The following TRPM6 variants were observed in gnomAD, a reference collection of about 807,000 sequenced individuals.
The protein encoded by TRPM6 is transient receptor potential cation channel subfamily M member 6, also known as channel kinase 2.
Under a neutral mutation model 247.6 loss-of-function variants are expected in TRPM6, and 111 were observed. The ratio of observed to expected loss-of-function variants is 0.45; its 90% CI spans 0.38 to 0.52. The LOEUF (loss-of-function observed/expected upper bound fraction) is 0.52, where lower values mean the gene tolerates loss of function less well. TRPM6 is among the 20% of genes least tolerant of loss of function. The probability of loss-of-function intolerance (pLI) is 0.00; values close to 1 mark genes in which losing one functional copy is unlikely to be tolerated. For missense variants in TRPM6, 2,126 were observed against 2,421.5 expected, an observed-to-expected ratio of 0.88 and a Z score of 2.56; for synonymous variants, 892 against 853.8, an observed-to-expected ratio of 1.04 and a Z score of -0.78.
chr9:74,827,827 CTTCAT>C lies in TRPM6; in HGVS notation c.787_791del (p.Met263AlafsTer53). 6.2e-7 allele frequency: 1 copy of C among 1,614,090 alleles called. No homozygotes were observed. The highest frequency in any genetic ancestry group is 8.5e-7 in the Non-Finnish European group (1 of 1,180,028). The stretch of plus-strand genomic sequence containing the variant: ...GGTACTTCTCCAGGTTCCTTCTGAG[CTTCAT>C]TTCATTTCCATACTTGCCCACGGTC... On this transcript the variant is annotated frameshift_variant, in exon 7 of 39. Transcript: ENST00000360774. LOFTEE classifies it high-confidence loss of function.
chr9:74,785,816 C>G, intron 21 of TRPM6, 58 bp downstream of exon 21: 1 of 1,603,970 alleles, frequency 6.2e-7, no homozygotes. Context: ...AGCCACCACA[C>G]CTGGCTAAAA....
intron 36 of TRPM6, among the ~76,000 whole-genome samples, chr9:74,735,088 C>T (rs1020757812): frequency 5.3e-5 from 8 of 151,822 alleles, no homozygotes; most frequent in Non-Finnish European, 7.4e-5. Flanking sequence ...GGTGTGGTGG[C>T]GTGTGCCTGT....
intron 25 of TRPM6, among the ~76,000 whole-genome samples, chr9:74,769,793 A>AAGGAAGGGAGGGAAGGAGGG (rs71368678): frequency 1.6e-5 from 2 of 125,868 alleles, no homozygotes; most frequent in African/African-American, 7.7e-5. Flanking sequence ...GGACGGAAGG[A>AAGGAAGGGAGGGAAGGAGGG]AGGGAGGGAG....
chr9:74,820,179 G>A (rs1293451497), intron 9 of TRPM6, 125 bp downstream of exon 9: 15 of 1,063,078 alleles, frequency 1.4e-5, no homozygotes, highest in Non-Finnish European at 2.1e-5. Context: ...CACCCTGACA[G>A]GCCCCTGTAT....
intron 32 of TRPM6, 24 bp downstream of exon 32, chr9:74,744,071 T>C: frequency 6.2e-7 from 1 of 1,611,582 alleles, no homozygotes; most frequent in South Asian, 1.1e-5. Flanking sequence ...TCAGCTGACA[T>C]GTCTATGTGC....
chr9:74,752,489 T>G, intron 28 of TRPM6, 121 bp from the exon 29 acceptor site: 1 of 648,738 alleles, frequency 1.5e-6, no homozygotes, highest in Non-Finnish European at 2.7e-6. Context: ...TAGTTTTCCC[T>G]TTCTGTTTTT....
At chr9:74,874,069 C>G (rs1831115616) in intron 1 of TRPM6, among the ~76,000 whole-genome samples, 1 of 151,790 alleles carries the variant, frequency 6.6e-6, no homozygotes, top group Non-Finnish European at 1.5e-5. Flanking sequence ...AACCCTGCCT[C>G]TACTAAAAAT....
At chr9:74,741,547 T>C (rs962007084) in intron 33 of TRPM6, among the ~76,000 whole-genome samples, 36 of 152,084 alleles carry the variant, frequency 2.4e-4, no homozygotes, top group Non-Finnish European at 4.6e-4. Context: ...GCAGAGCTAT[T>C]GATTTGCAAA....
At chr9:74,879,953 G>A (rs1831309786) in intron 1 of TRPM6, among the ~76,000 whole-genome samples, 1 of 152,118 alleles carries the variant, frequency 6.6e-6, no homozygotes, top group Non-Finnish European at 1.5e-5. Context: ...TAGTCTTGGG[G>A]AATGAGTCCC....
At chr9:74,868,353 G>T (rs1166783636) in intron 1 of TRPM6, among the ~76,000 whole-genome samples, 3 of 151,768 alleles carry the variant, frequency 2.0e-5, no homozygotes, top group Non-Finnish European at 4.4e-5. Context: ...AAATTAGCTG[G>T]GCATGGTGGT....
At chr9:74,797,032 T>G in intron 17 of TRPM6, 139 bp from the exon 18 acceptor site, 1 of 796,908 alleles carries the variant, frequency 1.3e-6, no homozygotes, top group Non-Finnish European at 2.0e-6. Flanking sequence ...CTATAAATAA[T>G]TTTTTGACTC....
At chr9:74,852,823 T>C (rs1026797535) in intron 3 of TRPM6, among the ~76,000 whole-genome samples, 209 of 152,232 alleles carry the variant, frequency 1.4e-3, no homozygotes, top group Non-Finnish European at 1.6e-3. Context: ...AGTGCAGTGG[T>C]GTGATCTCGG....
chr9:74,750,776 G>A, intron 29 of TRPM6, 54 bp from the exon 30 acceptor site: 1 of 1,520,324 alleles, frequency 6.6e-7, no homozygotes, highest in East Asian at 2.3e-5. Flanking sequence ...CCCACCCCAA[G>A]TTTCTAGGAA....
intron 38 of TRPM6, among the ~76,000 whole-genome samples, chr9:74,725,834 A>G (rs1563984803): frequency 1.3e-5 from 2 of 152,236 alleles, no homozygotes; most frequent in Non-Finnish European, 2.9e-5. Context: ...AGACTAATAC[A>G]TATACTACCT....
At position 74,837,520 on chromosome 9, in the gene TRPM6, C is replaced by T. The variant is rs368020695; in HGVS notation, c.544+2504G>A. 2.7e-4 allele frequency among the ~76,000 whole-genome samples: 41 copies of T among 151,998 alleles called. No individual in the cohort carries two copies. The East Asian group carries it at 5.8e-3, about 22-fold the overall frequency. ...GGAGTGCAGTGGCACGATCTCGGCTCGCTGCAACCTCCGCCTCCTGGGTTC... is the reference window on the plus strand; with the variant it reads ...GGAGTGCAGTGGCACGATCTCGGCTTGCTGCAACCTCCGCCTCCTGGGTTC... On this transcript the variant is annotated intron_variant, in intron 5 of 38. Coordinates refer to ENST00000360774, the MANE Select transcript of TRPM6 (RefSeq NM_017662.5).
rs1338987080 is a variant in TRPM6, at chr9:74,755,219, T to G, written c.4906+134A>C. ...AAAAACAGAAAAATGCTATTTTCCT[T>G]ACAGAGTGTAGCCATCTTCTCTTTC... On this transcript the variant is annotated intron_variant, in intron 28 of 38. Coordinates refer to ENST00000360774, the MANE Select transcript of TRPM6 (RefSeq NM_017662.5). 4 of 1,020,362 alleles carry G rather than the reference T, an allele frequency of 3.9e-6. No homozygotes were observed. In the African/African-American group the frequency reaches 6.4e-5, roughly 16 times the overall value. The allele number at this position is 1,020,362 out of a possible 1,614,324, so 63.2% of individuals were successfully genotyped here.
In TRPM6 at chr9:74,808,095, C is replaced by T. The variant is rs1407266718; in HGVS notation, c.1577G>A (p.Arg526His). Residue 526 changes from arginine to histidine, a missense_variant, in exon 14 of 39, where the codon CGC (arginine) becomes CAC (histidine). Physicochemically the swap from Arg to His is conservative, Grantham distance 29. Transcript: ENST00000360774. ...GAAATGTTTTCTAGTGTAGTTGCTGCGATATGCTCTACCAATGAGGTATTC... is the reference window on the plus strand; with the variant it reads ...GAAATGTTTTCTAGTGTAGTTGCTGTGATATGCTCTACCAATGAGGTATTC... ...VVEYLIGRAY[R>H]SNYTRKHFRA... 10 of 1,613,802 alleles carry T rather than the reference C, an allele frequency of 6.2e-6. No individual in the cohort carries two copies. Among genetic ancestry groups the T allele is most frequent in the East Asian group, 2.2e-5 (1 of 44,846 alleles).
chr9:74,815,412 G>T (rs1828892168), intron 11 of TRPM6, among the ~76,000 whole-genome samples: 1 of 152,184 alleles, frequency 6.6e-6, no homozygotes, highest in Non-Finnish European at 1.5e-5. Flanking sequence ...ACCCAAACAT[G>T]TAAGTCCTCA....
intron 6 of TRPM6, among the ~76,000 whole-genome samples, chr9:74,832,554 T>A (rs1362205460): frequency 1.3e-5 from 2 of 152,178 alleles, no homozygotes; most frequent in East Asian, 3.8e-4. Context: ...TAGAAAGAAC[T>A]ACTAAAATAT....
Sources: allele counts gnomAD v4.1 joint callset (sites outside exome capture counted in the v4.1 genomes callset), GRCh38; gene constraint gnomAD v4.1.1; transcripts MANE v1.5; gene names NCBI Gene and HGNC (gene_info 2026-07-23, HGNC 2026-07-21).